C5orf63: variants seen among roughly 807,000 people sequenced by gnomAD.
C5orf63 encodes the protein glutaredoxin-like protein C5orf63.
In C5orf63, 18 loss-of-function variants were observed where a neutral mutation model predicts 13.3. That is an observed-to-expected ratio of 1.36 (90% confidence interval 0.94 to 2.01). The LOEUF (loss-of-function observed/expected upper bound fraction) is 2.01. Ranked by LOEUF, C5orf63 falls within the 30% of genes most tolerant of loss-of-function variation. The pLI is 0.00. For missense variants in C5orf63, 118 were observed against 127.7 expected, an observed-to-expected ratio of 0.92 and a Z score of 0.36; for synonymous variants, 38 against 44.7, an observed-to-expected ratio of 0.85 and a Z score of 0.60.
At chr5:127,055,188 A>C (rs1753830595) in intron 3 of C5orf63, among the ~76,000 whole-genome samples, 2 of 152,320 alleles carry the variant, frequency 1.3e-5, no homozygotes, top group East Asian at 3.9e-4. Flanking sequence ...TGCCCAAGGT[A>C]ATTTATAGAT....
chr5:127,051,697 A>C lies in C5orf63; in HGVS notation c.*74T>G. The C allele has an allele frequency of 7.1e-7, 1 of 1,407,150 alleles. No individual in the cohort carries two copies. The highest frequency in any genetic ancestry group is 9.2e-7 in the Non-Finnish European group (1 of 1,084,736). 87.2% of individuals were successfully genotyped at this position (1,407,150 alleles called of 1,614,324 possible). On this transcript the variant is annotated 3_prime_UTR_variant, in exon 5 of 5. Coordinates refer to ENST00000296662, the MANE Select transcript of C5orf63 (RefSeq NM_001164478.2). ...AGGGCTCTGTACAAGTGACAAAATG[A>C]GTATCAGGCCATGGTCATTTCCTTA...
chr5:127,072,295 A>G (rs898270509), intron 1 of C5orf63, among the ~76,000 whole-genome samples: 9 of 152,088 alleles, frequency 5.9e-5, no homozygotes, highest in African/African-American at 1.9e-4. Context: ...TAATTATCCA[A>G]TATTTCCAGG....
chr5:127,072,293 C>A (rs1375089798), intron 1 of C5orf63, among the ~76,000 whole-genome samples: 1 of 152,118 alleles, frequency 6.6e-6, no homozygotes, highest in East Asian at 1.9e-4. Flanking sequence ...CATAATTATC[C>A]AATATTTCCA....
At chr5:127,071,935 C>G (rs1422539516) in intron 1 of C5orf63, 2 of 152,180 alleles carry the variant, frequency 1.3e-5, no homozygotes, top group Non-Finnish European at 2.9e-5. Flanking sequence ...GCATCTGGAA[C>G]AAAATAGAAA....
At chr5:127,069,664 G>A (rs993204510) in intron 2 of C5orf63, among the ~76,000 whole-genome samples, 121 of 152,306 alleles carry the variant, frequency 7.9e-4, no homozygotes, top group Non-Finnish European at 2.2e-4. Context: ...ACCCAGGCCT[G>A]TAGAAATACA....
At chr5:127,043,468 T>C (rs1295082119), downstream of C5orf63, 1 of 151,914 alleles carries the variant, frequency 6.6e-6, no homozygotes, top group East Asian at 1.9e-4. Flanking sequence ...AATTCAGGAG[T>C]CTTGCTAGTT....
At chr5:127,048,310 G>A (rs1753570894), downstream of C5orf63, among the ~76,000 whole-genome samples, 1 of 150,514 alleles carries the variant, frequency 6.6e-6, no homozygotes, top group Admixed American at 6.6e-5. Context: ...TTACTTCCCT[G>A]GGACAAACTC....
intron 1 of C5orf63, 111 bp from the exon 2 acceptor site, chr5:127,071,796 G>A (rs1406010613): frequency 6.6e-6 from 1 of 152,164 alleles, no homozygotes; most frequent in Non-Finnish European, 1.5e-5. Flanking sequence ...CCAAGGCCTA[G>A]CATTAGAGTA....
Position 127,058,988 on chromosome 5 carries a change from C to T in C5orf63, c.8G>A (p.Trp3Ter). 6.5e-7 allele frequency: 1 copy of T among 1,534,052 alleles called. No homozygotes were observed. ...AAGTTGCATGCTATTTCCTTGAAAC[C>T]AGAGCATCTTAATTCTGCCAAAAGA... ML[W>*]FQGNSMQLAR... Residue 3 changes from tryptophan (W) to a stop codon, truncating the protein, a stop_gained, in exon 3 of 5, where the codon TGG (tryptophan) becomes TAG (stop). Transcript: ENST00000296662. LOFTEE classifies it high-confidence loss of function.
intron 2 of C5orf63, among the ~76,000 whole-genome samples, chr5:127,060,510 TA>T (rs1754062313): frequency 1.3e-5 from 2 of 152,236 alleles, no homozygotes; most frequent in Non-Finnish European, 2.9e-5. Context: ...AATTTCACTT[TA>T]AAAACACATG....
chr5:127,068,242 T>G (rs80075527), intron 2 of C5orf63, among the ~76,000 whole-genome samples: 1,670 of 152,312 alleles, frequency 0.011, 16 homozygotes, highest in Non-Finnish European at 0.019. Flanking sequence ...GCCATGGGAA[T>G]AGTCTATGAC....
chr5:127,044,618 A>T (rs1281213490), downstream of C5orf63: 1 of 152,130 alleles, frequency 6.6e-6, no homozygotes, highest in Admixed American at 6.6e-5. Context: ...ATGGTGAACA[A>T]GAGTCATGGG....
chr5:127,044,834 C>T (rs112763129), downstream of C5orf63: 3,985 of 144,864 alleles, frequency 0.028, 76 homozygotes, highest in Admixed American at 0.045. Flanking sequence ...AGGCAGGTCT[C>T]GAACTCCTGG....
intron 2 of C5orf63, among the ~76,000 whole-genome samples, chr5:127,065,522 A>C (rs10075097): frequency 0.11 from 16,247 of 152,212 alleles, 1,473 homozygotes; most frequent in African/African-American, 0.25. Flanking sequence ...GGTAGGAATG[A>C]CATGGCTATC....
intron 2 of C5orf63, among the ~76,000 whole-genome samples, chr5:127,059,329 G>C (rs113463799): frequency 0.018 from 2,716 of 152,268 alleles, 43 homozygotes; most frequent in Non-Finnish European, 0.027. Context: ...CCGGCATCTT[G>C]ATGATCCCCT....
intron 2 of C5orf63, among the ~76,000 whole-genome samples, chr5:127,061,377 A>C (rs1754099774): frequency 6.6e-6 from 1 of 152,202 alleles, no homozygotes; most frequent in Non-Finnish European, 1.5e-5. Flanking sequence ...GAACAAAAAG[A>C]CTGGATACTG....
intron 2 of C5orf63, among the ~76,000 whole-genome samples, chr5:127,068,756 A>C (rs1754420209): frequency 6.6e-6 from 1 of 152,150 alleles, no homozygotes; most frequent in Non-Finnish European, 1.5e-5. Context: ...GCTTTGGAGG[A>C]GTCTACTCAG....
intron 2 of C5orf63, among the ~76,000 whole-genome samples, chr5:127,070,377 T>C (rs1188653325): frequency 6.6e-6 from 1 of 152,202 alleles, no homozygotes; most frequent in Non-Finnish European, 1.5e-5. Context: ...TATTTCATGA[T>C]TAACATGAAA....
intron 2 of C5orf63, among the ~76,000 whole-genome samples, chr5:127,062,931 G>A (rs1287919962): frequency 1.3e-5 from 2 of 151,724 alleles, no homozygotes; most frequent in Non-Finnish European, 2.9e-5. Context: ...TTTGTTATAT[G>A]CCTCTATGAT....
Sources: gnomAD v4.1 joint callset for allele counts (sites outside exome capture counted in the v4.1 genomes callset) on GRCh38, gnomAD v4.1.1 for gene constraint, MANE v1.5 for transcripts, NCBI Gene and HGNC (gene_info 2026-07-23, HGNC 2026-07-21) for gene names.